WWOX: variants seen among roughly 807,000 people sequenced by gnomAD.
WWOX encodes WW domain containing oxidoreductase.
A neutral mutation model predicts 46.2 loss-of-function variants in WWOX; 69 were observed. That is an observed-to-expected ratio of 1.49 (90% CI 1.23 to 1.82). The LOEUF (loss-of-function observed/expected upper bound fraction) is 1.82, where lower values mean the gene tolerates loss of function less well. Among genes scored for constraint, WWOX ranks in the 40% most tolerant of loss-of-function variants. The pLI, the probability that WWOX is intolerant of heterozygous loss-of-function variation, is 0.00. For synonymous variants in WWOX, 359 were observed against 202.6 expected, an observed-to-expected ratio of 1.77 and a Z score of -6.56; for missense variants, 919 against 542.6, an observed-to-expected ratio of 1.69 and a Z score of -6.89.
chr16:78,521,193 C>T (rs569057763), intron 8 of WWOX, among the ~76,000 whole-genome samples: 229 of 152,246 alleles, frequency 1.5e-3, no homozygotes, highest in Non-Finnish European at 2.8e-3. Context: ...GTCATTTTAT[C>T]TTCTTGGCTC....
At position 78,753,180 on chromosome 16, in the gene WWOX, A is replaced by C. The variant is rs574367393; in HGVS notation, c.1056+320428A>C. On this transcript the variant is annotated intron_variant, in intron 8 of 8. Coordinates refer to ENST00000566780, the MANE Select transcript of WWOX (RefSeq NM_016373.4). The stretch of plus-strand genomic sequence containing the variant: ...CCGGGCGTGGGGGCAGGCGCCTGTA[A>C]TCCCAGCTACTCTGGAGGCTGAGAC... Among the ~76,000 whole-genome samples, 16 of 152,194 alleles carry C rather than the reference A, an allele frequency of 1.1e-4. No homozygotes were observed. The South Asian group carries it at 3.3e-3, about 32-fold the overall frequency.
At chr16:78,608,614 G>T (rs184587114) in intron 8 of WWOX, among the ~76,000 whole-genome samples, 4 of 152,312 alleles carry the variant, frequency 2.6e-5, no homozygotes, top group Non-Finnish European at 5.9e-5. Flanking sequence ...TACTGTGGAA[G>T]GGTCAAGTGC....
At chr16:78,537,934 C>G (rs1389096624) in intron 8 of WWOX, among the ~76,000 whole-genome samples, 2 of 152,082 alleles carry the variant, frequency 1.3e-5, no homozygotes, top group African/African-American at 2.4e-5. Context: ...TACAGCAGCC[C>G]CGGCCTATCT....
At chr16:78,171,818 G>C (rs1055083295) in intron 5 of WWOX, among the ~76,000 whole-genome samples, 1 of 152,140 alleles carries the variant, frequency 6.6e-6, no homozygotes, top group African/African-American at 2.4e-5. Flanking sequence ...ACTTGCTCAA[G>C]TCAATAAGCG....
chr16:78,476,028 C>A (rs1177100941), intron 8 of WWOX, among the ~76,000 whole-genome samples: 1 of 152,170 alleles, frequency 6.6e-6, no homozygotes. Flanking sequence ...CTTACTCATG[C>A]TTCCTCTGTA....
intron 6 of WWOX, among the ~76,000 whole-genome samples, chr16:78,423,739 G>C (rs902780080): frequency 6.6e-6 from 1 of 151,752 alleles, no homozygotes; most frequent in Non-Finnish European, 1.5e-5. Flanking sequence ...CCAGTTACTC[G>C]GGAGGCTAAG....
chr16:78,889,747 T>A (rs10451159), intron 8 of WWOX, among the ~76,000 whole-genome samples: 3 of 152,084 alleles, frequency 2.0e-5, no homozygotes, highest in Admixed American at 2.0e-4. Flanking sequence ...TTGTGCGATA[T>A]AGTTCCCTAT....
intron 8 of WWOX, among the ~76,000 whole-genome samples, chr16:78,743,128 G>A (rs2049270922): frequency 1.3e-5 from 2 of 152,068 alleles, no homozygotes; most frequent in South Asian, 4.2e-4. Flanking sequence ...ACACTTGAGT[G>A]TCTTTCTCTG....
At chr16:78,613,120 C>A (rs1417036103) in intron 8 of WWOX, among the ~76,000 whole-genome samples, 2 of 152,112 alleles carry the variant, frequency 1.3e-5, no homozygotes, top group Non-Finnish European at 2.9e-5. Flanking sequence ...ATGGGGCCTT[C>A]CTGCTTGCTC....
chr16:78,546,783 G>T (rs1489840065), intron 8 of WWOX, among the ~76,000 whole-genome samples: 1 of 152,090 alleles, frequency 6.6e-6, no homozygotes, highest in Admixed American at 6.5e-5. Flanking sequence ...ACTGACGTGT[G>T]TTACCAGAGA....
At chr16:78,726,372 T>G (rs1257874635) in intron 8 of WWOX, among the ~76,000 whole-genome samples, 1 of 151,878 alleles carries the variant, frequency 6.6e-6, no homozygotes, top group Non-Finnish European at 1.5e-5. Flanking sequence ...ACCACAGGTA[T>G]GCACCACCAC....
chr16:78,939,195 A>C (rs186629862), intron 8 of WWOX, among the ~76,000 whole-genome samples: 4 of 152,116 alleles, frequency 2.6e-5, no homozygotes, highest in African/African-American at 4.8e-5. Context: ...ATAATCATCA[A>C]CGTATATTCA....
intron 8 of WWOX, among the ~76,000 whole-genome samples, chr16:78,984,409 G>T (rs1256026224): frequency 6.6e-6 from 1 of 152,164 alleles, no homozygotes; most frequent in Non-Finnish European, 1.5e-5. Flanking sequence ...GGGTCATATA[G>T]TCTCTGTTTC....
chr16:78,827,086 C>A (rs78229656), intron 8 of WWOX, among the ~76,000 whole-genome samples: 2,176 of 152,214 alleles, frequency 0.014, 57 homozygotes, highest in African/African-American at 0.049. Context: ...TTTCTCTGGT[C>A]ACAAACCTGC....
At chr16:78,538,387 T>G (rs1470291532) in intron 8 of WWOX, among the ~76,000 whole-genome samples, 1 of 152,182 alleles carries the variant, frequency 6.6e-6, no homozygotes, top group African/African-American at 2.4e-5. Context: ...AATTTCCCCA[T>G]GAGTCTTAAA....
rs752443436 is a variant in WWOX, at chr16:78,215,224, C to T, written c.516+50935C>T. ...TGCTATGTATCAGGTGTTGTGCTCACGTGGTGTTTTATGCACAGTGTTTCC... is the reference window on the plus strand; with the variant it reads ...TGCTATGTATCAGGTGTTGTGCTCATGTGGTGTTTTATGCACAGTGTTTCC... On this transcript the variant is annotated intron_variant, in intron 5 of 8. Transcript: ENST00000566780. 1.5e-4 allele frequency among the ~76,000 whole-genome samples: 23 copies of T among 152,266 alleles called. No homozygotes were observed. The South Asian group carries it at 2.1e-3, about 14-fold the overall frequency.
chr16:78,593,286 C>T (rs896139357), intron 8 of WWOX, among the ~76,000 whole-genome samples: 1 of 152,094 alleles, frequency 6.6e-6, no homozygotes, highest in Non-Finnish European at 1.5e-5. Context: ...AGCAATCCAG[C>T]CACCTCGGCC....
At chr16:78,509,939 A>AG (rs1389012413) in intron 8 of WWOX, among the ~76,000 whole-genome samples, 2 of 150,448 alleles carry the variant, frequency 1.3e-5, no homozygotes, top group Non-Finnish European at 3.0e-5. Flanking sequence ...AAAAAAAAAA[A>AG]AAGAAAGAAA....
intron 5 of WWOX, among the ~76,000 whole-genome samples, chr16:78,171,808 A>C (rs562610629): frequency 6.6e-6 from 1 of 152,210 alleles, no homozygotes; most frequent in African/African-American, 2.4e-5. Context: ...TATATAAGCC[A>C]CTTGCTCAAG....
Sources: allele counts gnomAD v4.1 joint callset (sites outside exome capture counted in the v4.1 genomes callset), GRCh38; gene constraint gnomAD v4.1.1; transcripts MANE v1.5; gene names NCBI Gene and HGNC (gene_info 2026-07-23, HGNC 2026-07-21).